COL25A1: variants seen among roughly 807,000 people sequenced by gnomAD.
COL25A1 encodes collagen alpha-1(XXV) chain.
Under a neutral mutation model 128.4 loss-of-function variants are expected in COL25A1, and 103 were observed. That is an observed-to-expected ratio of 0.80 (90% CI 0.68 to 0.94). The LOEUF is 0.94. Among genes scored for constraint, COL25A1 ranks in the 40% least tolerant of loss-of-function variants. The probability of loss-of-function intolerance (pLI) is 0.00; values close to 1 mark genes in which losing one functional copy is unlikely to be tolerated. For synonymous variants in COL25A1, 279 were observed against 277.2 expected, an observed-to-expected ratio of 1.01 and a Z score of -0.06; for missense variants, 745 against 840.0, an observed-to-expected ratio of 0.89 and a Z score of 1.40.
intron 3 of COL25A1, among the ~76,000 whole-genome samples, chr4:109,250,745 A>G (rs1780591472): frequency 6.6e-6 from 1 of 152,228 alleles, no homozygotes; most frequent in African/African-American, 2.4e-5. Context: ...TGTTAATCAC[A>G]TCCAGAAGCA....
At chr4:109,139,979 G>A (rs1012122207) in intron 3 of COL25A1, among the ~76,000 whole-genome samples, 11 of 151,998 alleles carry the variant, frequency 7.2e-5, no homozygotes, top group East Asian at 5.8e-4. Context: ...CAGCTTCATC[G>A]ATGTCCCTAC....
At chr4:108,932,748 C>T (rs1001451542) in intron 11 of COL25A1, among the ~76,000 whole-genome samples, 1 of 152,046 alleles carries the variant, frequency 6.6e-6, no homozygotes, top group African/African-American at 2.4e-5. Context: ...AAGAAAGAAA[C>T]AGCAAGAACA....
At chr4:109,254,469 TTATATATATATATATATA>T (rs55997800) in intron 3 of COL25A1, among the ~76,000 whole-genome samples, 7,116 of 59,602 alleles carry the variant, frequency 0.12, 1,019 homozygotes, top group African/African-American at 0.3. Flanking sequence ...AGGCATATGT[TTATATATATATATATATA>T]TATATATATA....
chr4:108,855,248 G>A (rs1210997186), intron 24 of COL25A1, among the ~76,000 whole-genome samples: 2 of 150,020 alleles, frequency 1.3e-5, no homozygotes, highest in Admixed American at 6.7e-5. Context: ...CAAACTGGGG[G>A]CAAGGTTATA....
intron 3 of COL25A1, among the ~76,000 whole-genome samples, chr4:109,258,517 C>T (rs1038787236): frequency 1.3e-5 from 2 of 152,118 alleles, no homozygotes; most frequent in Non-Finnish European, 2.9e-5. Context: ...TGGAACAGTG[C>T]CTGCACTGTT....
intron 3 of COL25A1, among the ~76,000 whole-genome samples, chr4:109,064,069 T>A (rs1158604714): frequency 1.3e-5 from 2 of 151,960 alleles, no homozygotes; most frequent in Admixed American, 6.6e-5. Flanking sequence ...AGGAGGTGAA[T>A]ACAACAGGTT....
intron 3 of COL25A1, among the ~76,000 whole-genome samples, chr4:109,219,575 G>A (rs533849538): frequency 3.3e-5 from 5 of 152,138 alleles, no homozygotes; most frequent in African/African-American, 1.2e-4. Context: ...ATAAAGCTGG[G>A]CATGAGTTCT....
chr4:109,248,656 C>A (rs1258757005), intron 3 of COL25A1, among the ~76,000 whole-genome samples: 4 of 152,154 alleles, frequency 2.6e-5, no homozygotes, highest in African/African-American at 4.8e-5. Context: ...TTCGCAGCTG[C>A]CAGACTACTC....
intron 3 of COL25A1, among the ~76,000 whole-genome samples, chr4:109,169,189 C>G (rs1773353776): frequency 6.6e-6 from 1 of 152,146 alleles, no homozygotes; most frequent in African/African-American, 2.4e-5. Context: ...CTGACACATG[C>G]AATACCTCTT....
At chr4:109,270,195 A>G (rs532308160) in intron 3 of COL25A1, among the ~76,000 whole-genome samples, 4 of 152,240 alleles carry the variant, frequency 2.6e-5, no homozygotes, top group Admixed American at 2.6e-4. Flanking sequence ...CTCCTATTCA[A>G]CATAGTGTTG....
intron 8 of COL25A1, among the ~76,000 whole-genome samples, chr4:108,971,588 G>A (rs1751922368): frequency 6.6e-6 from 1 of 152,184 alleles, no homozygotes; most frequent in Non-Finnish European, 1.5e-5. Context: ...AAGAGGACAT[G>A]GAGGACAGTG....
intron 6 of COL25A1, among the ~76,000 whole-genome samples, chr4:108,983,163 CT>C (rs1753186130): frequency 1.3e-5 from 2 of 151,656 alleles, no homozygotes; most frequent in East Asian, 3.9e-4. Context: ...TAAGAAATTG[CT>C]AAAACTTCTT....
intron 13 of COL25A1, among the ~76,000 whole-genome samples, chr4:108,906,345 T>C (rs902066708): frequency 4.6e-5 from 7 of 152,230 alleles, no homozygotes; most frequent in Admixed American, 2.6e-4. Context: ...CGGATAGCTA[T>C]AGGATTGCTC....
intron 19 of COL25A1, among the ~76,000 whole-genome samples, chr4:108,869,909 G>A (rs1738492282): frequency 6.6e-6 from 1 of 152,022 alleles, no homozygotes; most frequent in South Asian, 2.1e-4. Context: ...TTTGTTTCAT[G>A]ATACTTGCAA....
intron 6 of COL25A1, among the ~76,000 whole-genome samples, chr4:108,991,783 C>T (rs1217612834): frequency 6.6e-6 from 1 of 152,076 alleles, no homozygotes; most frequent in Non-Finnish European, 1.5e-5. Flanking sequence ...GATTGGAACA[C>T]ACACATGAAA....
At chr4:109,215,307 A>C (rs914628793) in intron 3 of COL25A1, among the ~76,000 whole-genome samples, 1 of 152,212 alleles carries the variant, frequency 6.6e-6, no homozygotes, top group African/African-American at 2.4e-5. Context: ...TAAACAAATC[A>C]TCAAATAAAA....
chr4:109,007,429 G>T (rs191092518), intron 6 of COL25A1, among the ~76,000 whole-genome samples: 1 of 152,258 alleles, frequency 6.6e-6, no homozygotes, highest in Non-Finnish European at 1.5e-5. Context: ...AATGATGTAG[G>T]CATAAGAGGT....
At chr4:109,036,305 AC>A (rs576494922) in intron 5 of COL25A1, among the ~76,000 whole-genome samples, 11 of 152,344 alleles carry the variant, frequency 7.2e-5, no homozygotes, top group South Asian at 4.1e-4. Flanking sequence ...AACATTCTTA[AC>A]AAATAAAACC....
At chr4:108,990,240 ATATATATATAT>A (rs373844657) in intron 6 of COL25A1, among the ~76,000 whole-genome samples, 9 of 13,594 alleles carry the variant, frequency 6.6e-4, no homozygotes, top group East Asian at 4.3e-3. Context: ...AAAAAAAAAA[ATATATATATAT>A]ATATATATAT....
Sources: allele counts gnomAD v4.1 joint callset (sites outside exome capture counted in the v4.1 genomes callset), GRCh38; gene constraint gnomAD v4.1.1; transcripts MANE v1.5; gene names NCBI Gene and HGNC (gene_info 2026-07-23, HGNC 2026-07-21).